The following RFTN1 variants were observed in gnomAD, a reference collection of about 807,000 sequenced individuals.
RFTN1 encodes raftlin.
Under a neutral mutation model 46.5 loss-of-function variants are expected in RFTN1, and 26 were observed. The ratio of observed to expected loss-of-function variants is 0.56; its 90% CI spans 0.41 to 0.78. The LOEUF (loss-of-function observed/expected upper bound fraction) is 0.78, where lower values mean the gene tolerates loss of function less well. Among genes scored for constraint, RFTN1 ranks in the 30% least tolerant of loss-of-function variants. The pLI, the probability that RFTN1 is intolerant of heterozygous loss-of-function variation, is 0.00. For synonymous variants in RFTN1, 261 were observed against 284.2 expected (o/e 0.92, Z 0.82); for missense variants, 693 against 718.7 (o/e 0.96, Z 0.41).
chr3:16,328,988 A>G (rs690606), intron 7 of RFTN1, among the ~76,000 whole-genome samples: 98,750 of 152,148 alleles, frequency 0.65, 32,294 homozygotes, highest in Middle Eastern at 0.68. Flanking sequence ...GTTTGAATGT[A>G]TCCCCCAAAA....
rs1381711360 is a variant in RFTN1 at position 16,418,703 on chromosome 3, G to C, written c.333-9220C>G. Among the ~76,000 whole-genome samples the C allele has an allele frequency of 6.6e-6, 1 of 151,608 alleles. No homozygotes were observed. The highest frequency in any genetic ancestry group is 1.9e-4 in the East Asian group (1 of 5,186). ...TTTTTTTTTTTTTAAAGAAGTATTA[G>C]GGAGAGAAATGAGCTAGAGATCTGA... is the stretch of plus-strand genomic sequence containing the variant. On this transcript the variant is annotated intron_variant, in intron 3 of 9. Transcript: ENST00000334133. The surrounding 1 kb of genome is among the most constrained non-coding windows in gnomAD (Gnocchi z 5.0).
At chr3:16,399,053 ATTTC>A (rs997302127) in intron 4 of RFTN1, among the ~76,000 whole-genome samples, 2 of 152,074 alleles carry the variant, frequency 1.3e-5, no homozygotes, top group African/African-American at 4.8e-5. Context: ...CCAAGTTGTT[ATTTC>A]TTTCTGATTT....
intron 2 of RFTN1, among the ~76,000 whole-genome samples, chr3:16,436,358 A>ATT (rs61519479): frequency 2.4e-5 from 3 of 125,150 alleles, no homozygotes; most frequent in Non-Finnish European, 1.8e-5. Context: ...GAAAAAAAAA[A>ATT]TTTTTTTTTT....
rs915040315 is a variant in RFTN1 at position 16,421,593 on chromosome 3, G to A, written c.333-12110C>T. ...TCTCGATCCCTTGACTTCGTGATCCGCCCGCCTCGGCCTCCCAAAGTGCTG... is the reference window on the plus strand; with the variant it reads ...TCTCGATCCCTTGACTTCGTGATCCACCCGCCTCGGCCTCCCAAAGTGCTG... On this transcript the variant is annotated intron_variant, in intron 3 of 9. Transcript: ENST00000334133. The surrounding 1 kb of genome is among the most constrained non-coding windows in gnomAD (Gnocchi z 4.6). Among the ~76,000 whole-genome samples, 35 of 151,940 alleles carry A rather than the reference G, an allele frequency of 2.3e-4. No individual in the cohort carries two copies. The highest frequency in any genetic ancestry group is 1.0e-3 in the South Asian group (5 of 4,794).
intron 8 of RFTN1, among the ~76,000 whole-genome samples, chr3:16,326,352 C>A (rs1051801196): frequency 2.0e-5 from 3 of 152,230 alleles, no homozygotes; most frequent in African/African-American, 7.2e-5. Flanking sequence ...TCCTCAGCTG[C>A]AAAATGGGTT....
rs1055924587 is a variant in RFTN1, at chr3:16,459,086, C to G, written c.146-25049G>C. Among the ~76,000 whole-genome samples the G allele has an allele frequency of 2.5e-4, 38 of 152,124 alleles. No homozygotes were observed. Among genetic ancestry groups the G allele is most frequent in the Non-Finnish European group, 5.9e-5 (4 of 68,028 alleles). ...AGTAGCTGGGACCACAGGTGTGCAC[C>G]ATGCCCAGCTAATTTTTTGTATTTT... On this transcript the variant is annotated intron_variant, in intron 2 of 9. Coordinates refer to ENST00000334133, the MANE Select transcript of RFTN1 (RefSeq NM_015150.2). The surrounding 1 kb of genome is among the most constrained non-coding windows in gnomAD (Gnocchi z 4.2).
intron 2 of RFTN1, among the ~76,000 whole-genome samples, chr3:16,438,623 A>G: frequency 7.1e-6 from 1 of 140,016 alleles, no homozygotes; most frequent in Non-Finnish European, 1.5e-5. Flanking sequence ...AAAAAAGAAG[A>G]CAGGTTTCTA....
chr3:16,508,335 A>T (rs1467946973), intron 1 of RFTN1, among the ~76,000 whole-genome samples: 1 of 152,166 alleles, frequency 6.6e-6, no homozygotes, highest in Non-Finnish European at 1.5e-5. Flanking sequence ...AAGTACCCCA[A>T]ATGGTGTCTC....
rs1463412288 is a variant in RFTN1, at chr3:16,316,773, G to GT, written c.*54dup. 21 of 1,604,160 alleles carry GT rather than the reference G, an allele frequency of 1.3e-5. No homozygotes were observed. Among genetic ancestry groups the GT allele is most frequent in the African/African-American group, 2.7e-5 (2 of 74,656 alleles). ...AAACCAGCCCCCAAACCAGCTGTTGGTAAGATGCCTTGGGTTTGGCAACTC... is the reference window on the plus strand; with the variant it reads ...AAACCAGCCCCCAAACCAGCTGTTGGTTAAGATGCCTTGGGTTTGGCAACTC... On this transcript the variant is annotated 3_prime_UTR_variant, in exon 10 of 10. Transcript: ENST00000334133. The surrounding 1 kb of genome is among the most constrained non-coding windows in gnomAD (Gnocchi z 4.5).
intron 2 of RFTN1, among the ~76,000 whole-genome samples, chr3:16,464,908 G>A (rs1163895709): frequency 1.3e-5 from 2 of 152,192 alleles, no homozygotes; most frequent in Non-Finnish European, 2.9e-5. Context: ...TCAGTGACTC[G>A]CAAGTTAACT....
rs779096927 is a variant in RFTN1, at chr3:16,402,437, C to A, written c.441+6938G>T. On this transcript the variant is annotated intron_variant, in intron 4 of 9. Coordinates refer to ENST00000334133, the MANE Select transcript of RFTN1 (RefSeq NM_015150.2). This position sits in a 1 kb window ranked among gnomAD's most constrained non-coding sequence, Gnocchi z 4.5. ...TACTTCCCCTCAACAACCCCCCTCC[C>A]CAGGTTCATCTTTTTTAAATGTCAC... Among the ~76,000 whole-genome samples the A allele has an allele frequency of 6.6e-6, 1 of 152,104 alleles. No individual in the cohort carries two copies. Among genetic ancestry groups the A allele is most frequent in the Non-Finnish European group, 1.5e-5 (1 of 68,014 alleles).
intron 2 of RFTN1, among the ~76,000 whole-genome samples, chr3:16,486,443 C>A (rs180719359): frequency 4.0e-4 from 61 of 152,312 alleles, no homozygotes; most frequent in African/African-American, 1.4e-3. Context: ...AGAACATGCT[C>A]CAACCAAACT....
In RFTN1 at chr3:16,446,646, G is replaced by A. The variant is rs2075734696; in HGVS notation, c.146-12609C>T. Among the ~76,000 whole-genome samples the A allele has an allele frequency of 6.6e-6, 1 of 152,046 alleles. No homozygotes were observed. Among genetic ancestry groups the A allele is most frequent in the African/African-American group, 2.4e-5 (1 of 41,376 alleles). ...TGTAAAAATTTCACTTTGTAAAGATGGCCAAATAATAATAGGACAAAGACC... is the reference window on the plus strand; with the variant it reads ...TGTAAAAATTTCACTTTGTAAAGATAGCCAAATAATAATAGGACAAAGACC... On this transcript the variant is annotated intron_variant, in intron 2 of 9. Coordinates refer to ENST00000334133, the MANE Select transcript of RFTN1 (RefSeq NM_015150.2). The surrounding 1 kb of genome is among the most constrained non-coding windows in gnomAD (Gnocchi z 4.5).
rs1031751492 is a variant in RFTN1 at position 16,506,794 on chromosome 3, C to G, written c.-9+6648G>C. On this transcript the variant is annotated intron_variant, in intron 1 of 9. Coordinates refer to ENST00000334133, the MANE Select transcript of RFTN1 (RefSeq NM_015150.2). This position sits in a 1 kb window ranked among gnomAD's most constrained non-coding sequence, Gnocchi z 4.8. ...CAGTAAATTTCTGGAAGGCAGCAAG[C>G]GGGTCTTCTTCATCCCCAACAGCAG... is the stretch of plus-strand genomic sequence containing the variant. Among the ~76,000 whole-genome samples the G allele has an allele frequency of 6.6e-6, 1 of 152,134 alleles. No homozygotes were observed. The highest frequency in any genetic ancestry group is 6.5e-5 in the Admixed American group (1 of 15,274).
chr3:16,324,974 T>C (rs767318281), intron 8 of RFTN1, among the ~76,000 whole-genome samples: 80 of 152,120 alleles, frequency 5.3e-4, no homozygotes, highest in Admixed American at 5.2e-4. Flanking sequence ...CTCTATACCC[T>C]TGTCTTTTTT....
At chr3:16,350,644 C>T (rs1318852108) in intron 7 of RFTN1, among the ~76,000 whole-genome samples, 2 of 152,160 alleles carry the variant, frequency 1.3e-5, no homozygotes, top group South Asian at 2.1e-4. Flanking sequence ...ATTCTGACTT[C>T]CTCGTTACTC....
intron 8 of RFTN1, among the ~76,000 whole-genome samples, chr3:16,324,646 TTGTGTGTGTGTGTGTGTG>T (rs71632869): frequency 3.0e-5 from 3 of 100,432 alleles, no homozygotes; most frequent in East Asian, 3.0e-4. Flanking sequence ...TAGTATTCCA[TTGTGTGTGTGTGTGTGTG>T]TGTGTGTGTG....
In RFTN1 at chr3:16,442,965, T is replaced by C. The variant is rs1276842819; in HGVS notation, c.146-8928A>G. 1.3e-5 allele frequency among the ~76,000 whole-genome samples: 2 copies of C among 152,254 alleles called. No individual in the cohort carries two copies. The highest frequency in any genetic ancestry group is 2.9e-5 in the Non-Finnish European group (2 of 68,044). On this transcript the variant is annotated intron_variant, in intron 2 of 9. Coordinates refer to ENST00000334133, the MANE Select transcript of RFTN1 (RefSeq NM_015150.2). The surrounding 1 kb of genome is among the most constrained non-coding windows in gnomAD (Gnocchi z 4.1). The stretch of plus-strand genomic sequence containing the variant: ...CATTGCATATATATACCATAGTTTA[T>C]TTATCCAATCATCTATTGATGGACA...
chr3:16,402,763 A>C lies in RFTN1; in HGVS notation c.441+6612T>G, dbSNP rs150687101. On this transcript the variant is annotated intron_variant, in intron 4 of 9. Transcript: ENST00000334133. The surrounding 1 kb of genome is among the most constrained non-coding windows in gnomAD (Gnocchi z 4.5). Reference sequence around the variant, plus strand: ...TTCTTTAGGTTGAGGCATAAGTAGCATCATTCGGTTTTCTGAAGGACAATG... The same window carrying C: ...TTCTTTAGGTTGAGGCATAAGTAGCCTCATTCGGTTTTCTGAAGGACAATG... 2.4e-3 allele frequency among the ~76,000 whole-genome samples: 367 copies of C among 152,290 alleles called. 1 individual carries two copies. Among genetic ancestry groups the C allele is most frequent in the African/African-American group, 8.6e-3 (359 of 41,566 alleles).
Sources: gnomAD v4.1 joint callset for allele counts (sites outside exome capture counted in the v4.1 genomes callset) on GRCh38, gnomAD v4.1.1 for gene constraint, Gnocchi (gnomAD v3.1) non-coding constraint, MANE v1.5 for transcripts, NCBI Gene and HGNC (gene_info 2026-07-23, HGNC 2026-07-21) for gene names.